CUL4A: variants seen among roughly 807,000 people sequenced by gnomAD.
CUL4A encodes the protein cullin-4A.
A neutral mutation model predicts 95.5 loss-of-function variants in CUL4A; 16 were observed. The ratio of observed to expected loss-of-function variants is 0.17; its 90% confidence interval spans 0.11 to 0.25. The LOEUF is 0.25. Ranked by LOEUF, CUL4A falls within the 10% of genes least tolerant of loss-of-function variation. CUL4A has a pLI of 1.00. For missense variants in CUL4A, 610 were observed against 937.0 expected (o/e 0.65, Z 4.56); for synonymous variants, 380 against 353.1 (o/e 1.08, Z -0.85).
intron 15 of CUL4A, among the ~76,000 whole-genome samples, chr13:113,249,819 G>T (rs554535028): frequency 6.6e-6 from 1 of 152,134 alleles, no homozygotes; most frequent in East Asian, 1.9e-4. Flanking sequence ...TCATCTTGCC[G>T]TGATTTGCAT....
chr13:113,233,106 A>T lies in CUL4A; in HGVS notation c.513-71A>T, dbSNP rs763485140. On this transcript the variant is annotated intron_variant, in intron 5 of 19. Coordinates refer to ENST00000375440, the MANE Select transcript of CUL4A (RefSeq NM_001008895.4). ...TTTTTGGGATGATATTGAATAGCATAGCTGGAGATTCACCCATAACTTCTA... is the reference window on the plus strand; with the variant it reads ...TTTTTGGGATGATATTGAATAGCATTGCTGGAGATTCACCCATAACTTCTA... 3 of 1,485,620 alleles carry T rather than the reference A, an allele frequency of 2.0e-6. No individual in the cohort carries two copies. The African/African-American group carries it at 4.2e-5, about 21-fold the overall frequency. The allele number at this position is 1,485,620 out of a possible 1,614,324, so 92.0% of individuals were successfully genotyped here.
chr13:113,209,220 A>G (rs1382948258), upstream of CUL4A, among the ~76,000 whole-genome samples: 1 of 143,642 alleles, frequency 7.0e-6, no homozygotes, highest in African/African-American at 2.6e-5. Flanking sequence ...CGGGGCCCTC[A>G]GGAGGGTGTC....
rs927317609 is a variant in CUL4A at position 113,245,139 on chromosome 13, T to C, written c.1445-13T>C. On this transcript the variant is annotated splice_polypyrimidine_tract_variant and intron_variant, in intron 13 of 19. Transcript: ENST00000375440. ...TGTTACCCCGATCTCACTCCCTCCT[T>C]TGCTGTGTCCAGAGTGCGGTGCAGC... The C allele has an allele frequency of 3.1e-6, 5 of 1,614,098 alleles. No individual in the cohort carries two copies. The highest frequency in any genetic ancestry group is 3.3e-5 in the Admixed American group (2 of 60,026).
chr13:113,243,255 A>C lies in CUL4A; in HGVS notation c.1228+95A>C. The C allele has an allele frequency of 2.5e-6, 3 of 1,203,392 alleles. No individual in the cohort carries two copies. The Admixed American group carries it at 6.5e-5, about 26-fold the overall frequency. 74.5% of individuals were successfully genotyped at this position (1,203,392 alleles called of 1,614,324 possible). On this transcript the variant is annotated intron_variant, in intron 11 of 19. Transcript: ENST00000375440. ...TAATATGGGAAAATAAGGCAAAATC[A>C]ACCAAAATGTTCAAGCTGCTCAAGG... is the stretch of plus-strand genomic sequence containing the variant.
intron 2 of CUL4A, among the ~76,000 whole-genome samples, chr13:113,212,378 G>A (rs2040482674): frequency 6.6e-6 from 1 of 152,158 alleles, no homozygotes; most frequent in Non-Finnish European, 1.5e-5. Flanking sequence ...CTTAATCTGA[G>A]GTCACAAAGT....
upstream of CUL4A, chr13:113,208,260 C>T: frequency 6.9e-7 from 1 of 1,446,130 alleles, no homozygotes; most frequent in Non-Finnish European, 9.1e-7. Flanking sequence ...GGGCCCTCGG[C>T]GTGGCCCGCA....
chr13:113,208,939 C>T (rs2139038209), upstream of CUL4A: 1 of 1,313,926 alleles, frequency 7.6e-7, no homozygotes, highest in East Asian at 3.5e-5. Context: ...GCTAAACTGC[C>T]TTTCACTGCG....
At chr13:113,226,172 C>G (rs746442537) in intron 3 of CUL4A, among the ~76,000 whole-genome samples, 3 of 152,220 alleles carry the variant, frequency 2.0e-5, no homozygotes, top group Non-Finnish European at 4.4e-5. Context: ...GACTCCAGCT[C>G]ATGTCTGATT....
intron 2 of CUL4A, among the ~76,000 whole-genome samples, chr13:113,210,801 T>C (rs1421892621): frequency 5.1e-5 from 1 of 19,706 alleles, no homozygotes; most frequent in Non-Finnish European, 2.6e-4. Flanking sequence ...TAAAAAAACT[T>C]TTTTTCTGGA....
At chr13:113,252,645 G>A (rs1338961404) in intron 15 of CUL4A, among the ~76,000 whole-genome samples, 2 of 152,368 alleles carry the variant, frequency 1.3e-5, no homozygotes, top group African/African-American at 4.8e-5. Context: ...ACAGTGCAAC[G>A]CAAGGGGTTG....
Position 113,265,141 on chromosome 13 carries a change from G to GGAGCACCT in CUL4A, c.*1561_*1568dup, listed in dbSNP as rs1566382090. The GGAGCACCT allele has an allele frequency of 6.6e-6, 1 of 152,160 alleles. No individual in the cohort carries two copies. The allele number at this position is 152,160 out of a possible 1,614,324, so 9.4% of individuals were successfully genotyped here. A position where few individuals can be genotyped will look rare whatever the true frequency, so the allele number is the denominator to read the frequency against. ...GTGCACTAGACAGAAGTCAGAGCAGGGAGCACCTGTCCCCTCTCAAGTGAT... is the reference window on the plus strand; with the variant it reads ...GTGCACTAGACAGAAGTCAGAGCAGGGAGCACCTGAGCACCTGTCCCCTCTCAAGTGAT... On this transcript the variant is annotated 3_prime_UTR_variant, in exon 20 of 20. Coordinates refer to ENST00000375440, the MANE Select transcript of CUL4A (RefSeq NM_001008895.4).
At chr13:113,215,112 CTGTG>C (rs929625243) in intron 2 of CUL4A, among the ~76,000 whole-genome samples, 3 of 150,108 alleles carry the variant, frequency 2.0e-5, no homozygotes, top group African/African-American at 7.4e-5. Context: ...GTGGAGGTCA[CTGTG>C]TGACCATGGA....
chr13:113,253,175 T>C lies in CUL4A; in HGVS notation c.1732T>C (p.Leu578=). ...QWQTTLGHAV[L]KAEFKEGKKE... ...GCAAACTACTTTGGGACATGCTGTT[T>C]TAAAAGCGGAGTTTAAAGAAGTAAG... Residue 578 remains leucine, a synonymous_variant, in exon 16 of 20, where the codon TTA becomes CTA. Coordinates refer to ENST00000375440, the MANE Select transcript of CUL4A (RefSeq NM_001008895.4). The C allele has an allele frequency of 1.3e-6, 2 of 1,586,964 alleles. No homozygotes were observed. Among genetic ancestry groups the C allele is most frequent in the Non-Finnish European group, 1.7e-6 (2 of 1,164,548 alleles).
intron 3 of CUL4A, among the ~76,000 whole-genome samples, chr13:113,223,864 T>TA (rs2040995771): frequency 1.3e-5 from 2 of 152,234 alleles, no homozygotes; most frequent in Non-Finnish European, 2.9e-5. Context: ...ACATGTTTGA[T>TA]AAATTCTGCA....
chr13:113,262,724 A>G (rs1409123291), intron 19 of CUL4A, among the ~76,000 whole-genome samples: 1 of 152,266 alleles, frequency 6.6e-6, no homozygotes, highest in Non-Finnish European at 1.5e-5. Flanking sequence ...CCCCAGTAAG[A>G]CATGTTGAGA....
intron 2 of CUL4A, among the ~76,000 whole-genome samples, chr13:113,212,293 T>C (rs921767620): frequency 6.6e-6 from 1 of 151,974 alleles, no homozygotes; most frequent in Non-Finnish European, 1.5e-5. Context: ...TGAAGAGTAA[T>C]TGTTTTAAGT....
intron 2 of CUL4A, among the ~76,000 whole-genome samples, chr13:113,214,295 C>A (rs1440971130): frequency 6.6e-6 from 1 of 152,096 alleles, no homozygotes; most frequent in Non-Finnish European, 1.5e-5. Flanking sequence ...AGGCATGGAT[C>A]TTTTCCATTG....
intron 15 of CUL4A, among the ~76,000 whole-genome samples, chr13:113,250,297 G>C (rs906374083): frequency 6.6e-6 from 1 of 152,024 alleles, no homozygotes; most frequent in Non-Finnish European, 1.5e-5. Flanking sequence ...ACAAAAAATA[G>C]ACAGATTAGC....
rs558692564 is a variant in CUL4A, at chr13:113,236,678, G to A, written c.849-145G>A. ...TCATTAGCAACAGGAGTCGTCGTCC[G>A]TTTGCATGAGGAAATGTTCTTAACC... On this transcript the variant is annotated intron_variant, in intron 8 of 19. Transcript: ENST00000375440. The A allele has an allele frequency of 1.6e-3, 825 of 511,752 alleles. 2 individuals are homozygous for A. The highest frequency in any genetic ancestry group is 2.4e-3 in the Middle Eastern group (8 of 3,312). 31.7% of individuals were successfully genotyped at this position (511,752 alleles called of 1,614,324 possible).
Sources: gnomAD v4.1 joint callset for allele counts (sites outside exome capture counted in the v4.1 genomes callset) on GRCh38, gnomAD v4.1.1 for gene constraint, MANE v1.5 for transcripts, NCBI Gene and HGNC (gene_info 2026-07-23, HGNC 2026-07-21) for gene names.